The following MPPE1 variants were observed in gnomAD, a reference collection of about 807,000 sequenced individuals.
MPPE1 encodes the protein metallo phosphoesterase.
MPPE1 carries 28 observed loss-of-function variants against 43.8 expected under a neutral mutation model. That is an observed-to-expected ratio of 0.64 (90% CI 0.47 to 0.88). The LOEUF is 0.88. Ranked by LOEUF, MPPE1 falls within the 40% of genes least tolerant of loss-of-function variation. MPPE1 has a pLI of 0.00. For synonymous variants in MPPE1, 159 were observed against 188.5 expected, an observed-to-expected ratio of 0.84 and a Z score of 1.28; for missense variants, 428 against 492.2, an observed-to-expected ratio of 0.87 and a Z score of 1.23.
At chr18:11,906,031 C>T (rs1286589368) in intron 2 of MPPE1, 172 bp downstream of exon 2, 1 of 152,164 alleles carries the variant, frequency 6.6e-6, no homozygotes, top group African/African-American at 2.4e-5. Flanking sequence ...ACTGTTTTCA[C>T]TCCCAAGTTC....
chr18:11,903,800 C>T (rs2039435267), intron 2 of MPPE1, among the ~76,000 whole-genome samples: 1 of 151,896 alleles, frequency 6.6e-6, no homozygotes, highest in Non-Finnish European at 1.5e-5. Context: ...AGCGAGACTC[C>T]GTCTCAAAAA....
chr18:11,894,039 C>A (rs973217605), intron 3 of MPPE1, among the ~76,000 whole-genome samples: 1 of 152,092 alleles, frequency 6.6e-6, no homozygotes, highest in African/African-American at 2.4e-5. Flanking sequence ...GAGAAATAGG[C>A]TAGCTAATAT....
chr18:11,887,036 G>A lies in MPPE1; in HGVS notation c.570-11C>T, dbSNP rs2037382530. 6.2e-7 allele frequency: 1 copy of A among 1,600,402 alleles called. No homozygotes were observed. The highest frequency in any genetic ancestry group is 1.1e-5 in the South Asian group (1 of 90,534). On this transcript the variant is annotated splice_polypyrimidine_tract_variant and intron_variant, in intron 6 of 10. Transcript: ENST00000588072. ...TTGACCATCACAAAGCTGAAGCGGAGGGAAACGCAGGTGAGGCCGCTGGGG... is the reference window on the plus strand; with the variant it reads ...TTGACCATCACAAAGCTGAAGCGGAAGGAAACGCAGGTGAGGCCGCTGGGG...
At chr18:11,900,987 A>G (rs2039136607) in intron 2 of MPPE1, among the ~76,000 whole-genome samples, 1 of 152,274 alleles carries the variant, frequency 6.6e-6, no homozygotes, top group South Asian at 2.1e-4. Context: ...CAAAAGTTTA[A>G]AACCTAACGG....
chr18:11,900,908 T>TAAA (rs2039124137), intron 2 of MPPE1, among the ~76,000 whole-genome samples: 3 of 107,046 alleles, frequency 2.8e-5, no homozygotes, highest in East Asian at 2.7e-4. Context: ...CTCCGTCTCA[T>TAAA]TAAAAAAAAA....
rs2054571173 is a variant in MPPE1 at position 11,887,038 on chromosome 18, G to GA, written c.570-14dup. On this transcript the variant is annotated splice_polypyrimidine_tract_variant and intron_variant, in intron 6 of 10. Transcript: ENST00000588072. ...GACCATCACAAAGCTGAAGCGGAGG[G>GA]AAACGCAGGTGAGGCCGCTGGGGGT... 1 of 1,600,270 alleles carries GA rather than the reference G, an allele frequency of 6.2e-7. No individual in the cohort carries two copies. Among genetic ancestry groups the GA allele is most frequent in the African/African-American group, 1.3e-5 (1 of 74,624 alleles).
chr18:11,885,510 G>A (rs771871836), intron 10 of MPPE1, 166 bp downstream of exon 10: 8 of 777,596 alleles, frequency 1.0e-5, no homozygotes, highest in East Asian at 2.8e-5. Context: ...ATTGGTTCCC[G>A]GAAGGGTGTT....
intron 4 of MPPE1, among the ~76,000 whole-genome samples, chr18:11,891,808 G>T (rs1317182742): frequency 2.6e-5 from 4 of 151,942 alleles, no homozygotes; most frequent in African/African-American, 9.7e-5. Flanking sequence ...TGGGTTGTTT[G>T]TCTTCCTTGA....
intron 4 of MPPE1, among the ~76,000 whole-genome samples, chr18:11,890,874 A>G (rs954309627): frequency 2.6e-5 from 4 of 152,240 alleles, no homozygotes; most frequent in Admixed American, 1.3e-4. Flanking sequence ...TGTGGAAACC[A>G]GAACTAATGA....
At chr18:11,893,192 T>G (rs778516428) in intron 4 of MPPE1, 26 of 388,360 alleles carry the variant, frequency 6.7e-5, no homozygotes, top group Non-Finnish European at 1.1e-4. Context: ...CAAAACAGTG[T>G]ATTCCAACTA....
At chr18:11,905,319 C>A (rs1215758611) in intron 2 of MPPE1, 15 of 150,004 alleles carry the variant, frequency 1.0e-4, no homozygotes, top group African/African-American at 2.8e-4. Context: ...CAAAACAAAA[C>A]AAAACAAAAA....
Position 11,884,189 on chromosome 18 carries a change from A to AGAT in MPPE1, c.*253_*255dup, listed in dbSNP as rs2144001409. ...CATTAATAGCATTTACATACTGTAC[A>AGAT]GATGCAACCTTTGATGATACATATA... On this transcript the variant is annotated 3_prime_UTR_variant, in exon 11 of 11. Coordinates refer to ENST00000588072, the MANE Select transcript of MPPE1 (RefSeq NM_023075.6). The AGAT allele has an allele frequency of 2.2e-6, 1 of 454,234 alleles. No individual in the cohort carries two copies. Among genetic ancestry groups the AGAT allele is most frequent in the African/African-American group, 2.0e-5 (1 of 51,250 alleles). 28.1% of individuals were successfully genotyped at this position (454,234 alleles called of 1,614,324 possible). A position where few individuals can be genotyped will look rare whatever the true frequency, so the allele number is the denominator to read the frequency against.
At chr18:11,888,586 T>G (rs1188174471) in intron 6 of MPPE1, 83 bp downstream of exon 6, 9 of 794,556 alleles carry the variant, frequency 1.1e-5, no homozygotes, top group East Asian at 2.7e-5. Flanking sequence ...AGGTAGATGA[T>G]AGATCCCAGT....
rs1181366175 is a variant in MPPE1, at chr18:11,886,952, T to C, written c.643A>G (p.Ile215Val). 1.2e-6 allele frequency: 2 copies of C among 1,613,624 alleles called. No individual in the cohort carries two copies. Among genetic ancestry groups the C allele is most frequent in the African/African-American group, 2.7e-5 (2 of 74,930 alleles). ...CAGTTCAGTCTGTGAGAAACTTCAA[T>C]GAGCTCTGCTTCTGTTTCAGAGCAG... Reference protein sequence around the residue: ...GICSETEAELIEVSHRLNCSR... With the variant: ...GICSETEAELVEVSHRLNCSR... Residue 215 changes from isoleucine to valine, a missense_variant, in exon 7 of 11, where the codon ATT (isoleucine) becomes GTT (valine). Physicochemically the swap from Ile to Val is conservative, Grantham distance 29. Transcript: ENST00000588072. The surrounding 1 kb of genome is among the most constrained non-coding windows in gnomAD (Gnocchi z 4.1).
chr18:11,885,933 C>CTTA, intron 9 of MPPE1, 117 bp from the exon 10 acceptor site: 1 of 1,045,000 alleles, frequency 9.6e-7, no homozygotes, highest in Non-Finnish European at 1.3e-6. Flanking sequence ...ATACTAAATC[C>CTTA]TTATTTTGAA....
chr18:11,901,151 C>T (rs1358975706), intron 2 of MPPE1, among the ~76,000 whole-genome samples: 1 of 152,034 alleles, frequency 6.6e-6, no homozygotes, highest in African/African-American at 2.4e-5. Context: ...GTGAAATGGA[C>T]GGCCCTTCCA....
At chr18:11,888,025 C>T (rs2144209259) in intron 6 of MPPE1, among the ~76,000 whole-genome samples, 1 of 152,326 alleles carries the variant, frequency 6.6e-6, no homozygotes, top group Admixed American at 6.5e-5. Context: ...AAGGCTTCCA[C>T]TCCCACCTGT....
chr18:11,884,846 T>C, intron 10 of MPPE1: 5 of 1,378,386 alleles, frequency 3.6e-6, no homozygotes, highest in Non-Finnish European at 3.8e-6. Flanking sequence ...AAGGCCCAAG[T>C]GTGCCTGAGT....
At position 11,886,546 on chromosome 18, in the gene MPPE1, G is replaced by T; in HGVS notation, c.820C>A (p.Pro274Thr). The change falls in exon 9 of 11, where the codon CCA (proline) becomes ACA (threonine). Residue 274 changes from proline (P) to threonine (T), a missense_variant. This residue lies in a region of MPPE1 where 379 missense variants were observed against 402.5 expected (regional missense o/e 0.94). Transcript: ENST00000588072. The surrounding 1 kb of genome is among the most constrained non-coding windows in gnomAD (Gnocchi z 4.1). Reference protein sequence around the residue: ...DAAPAEERDIPFKENYDVLSR... With the variant: ...DAAPAEERDITFKENYDVLSR... Reference sequence around the variant, plus strand: ...AGCACGTCATAGTTCTCCTTAAATGGGATGTCCCTTTCCTCTGCAGGAGCA... The same window carrying T: ...AGCACGTCATAGTTCTCCTTAAATGTGATGTCCCTTTCCTCTGCAGGAGCA... The T allele has an allele frequency of 6.2e-7, 1 of 1,614,170 alleles. No individual in the cohort carries two copies. Among genetic ancestry groups the T allele is most frequent in the African/African-American group, 1.3e-5 (1 of 75,040 alleles).
Sources: allele counts gnomAD v4.1 joint callset (sites outside exome capture counted in the v4.1 genomes callset), GRCh38; gene constraint gnomAD v4.1.1; regional missense constraint gnomAD v4.1.1; non-coding constraint Gnocchi (gnomAD v3.1); transcripts MANE v1.5; gene names NCBI Gene and HGNC (gene_info 2026-07-23, HGNC 2026-07-21).